Variants in PNPLA6 observed in about 807,000 individuals in gnomAD.
PNPLA6 encodes patatin-like phospholipase domain-containing protein 6.
A neutral mutation model predicts 153.7 loss-of-function variants in PNPLA6; 105 were observed. That is an observed-to-expected ratio of 0.68 (90% CI 0.58 to 0.80). The LOEUF (loss-of-function observed/expected upper bound fraction) is 0.80, where lower values mean the gene tolerates loss of function less well. Ranked by LOEUF, PNPLA6 falls within the 30% of genes least tolerant of loss-of-function variation. The probability of loss-of-function intolerance (pLI) is 0.00; values close to 1 mark genes in which losing one functional copy is unlikely to be tolerated. For missense variants in PNPLA6, 1,423 were observed against 1,919.3 expected (o/e 0.74, Z 4.83); for synonymous variants, 825 against 822.2 (o/e 1.00, Z -0.06).
chr19:7,540,638 G>A lies in PNPLA6; in HGVS notation c.723G>A (p.Lys241=), dbSNP rs1421255016. 1 of 1,613,374 alleles carries A rather than the reference G, an allele frequency of 6.2e-7. No individual in the cohort carries two copies. The highest frequency in any genetic ancestry group is 1.3e-5 in the African/African-American group (1 of 74,866). ...LELCLPGPDG[K]ECVVKEVVPG... is the part of the protein sequence containing the mutation. ...GGTCTCCTGTGTCTCAGGACGGGAA[G>A]GAGTGTGTGGTGAAGGAAGTGGTTC... is the stretch of plus-strand genomic sequence containing the variant. Residue 241 remains lysine (K), a synonymous_variant, in exon 6 of 32, where the codon AAG becomes AAA. Coordinates refer to ENST00000600737, the MANE Select transcript of PNPLA6 (RefSeq NM_001166114.2). The surrounding 1 kb of genome is among the most constrained non-coding windows in gnomAD (Gnocchi z 6.8).
At chr19:7,561,346 A>G (rs2024092584) in intron 31 of PNPLA6, 29 bp downstream of exon 31, 2 of 1,527,080 alleles carry the variant, frequency 1.3e-6, no homozygotes. Context: ...GGGTCCCCTC[A>G]CATCCCCCAG....
rs1198901019 is a variant in PNPLA6 at position 7,556,565 on chromosome 19, T to C, written c.3206T>C (p.Ile1069Thr). 6.2e-7 allele frequency: 1 copy of C among 1,608,866 alleles called. No homozygotes were observed. The highest frequency in any genetic ancestry group is 8.5e-7 in the Non-Finnish European group (1 of 1,175,238). Residue 1069 changes from isoleucine to threonine, a missense_variant, in exon 25 of 32, where the codon ATT becomes ACT. By Grantham distance (89) the Ile-to-Thr change is moderately conservative. Around this residue, in one of 10 missense-constraint regions of PNPLA6, gnomAD observed 643 missense variants for 835.2 expected, o/e 0.77. Coordinates refer to ENST00000600737, the MANE Select transcript of PNPLA6 (RefSeq NM_001166114.2). ...CATCGGGTCTTCCAGGATAAGCAGA[T>C]TGAGGTAGGCCCACCTCATCCCCTG... ...SIHRVFQDKQIEDLWLPYFNV... is the reference protein window; with the variant it reads ...SIHRVFQDKQTEDLWLPYFNV...
In PNPLA6 at chr19:7,561,421, G is replaced by T; in HGVS notation, c.4024-67G>T. Reference sequence around the variant, plus strand: ...GTATTTGAGATCCTGTGTGTGCTGGGTGCTGGCTGACATGTGACGCATCAG... The same window carrying T: ...GTATTTGAGATCCTGTGTGTGCTGGTTGCTGGCTGACATGTGACGCATCAG... On this transcript the variant is annotated intron_variant, in intron 31 of 31. Coordinates refer to ENST00000600737, the MANE Select transcript of PNPLA6 (RefSeq NM_001166114.2). The T allele has an allele frequency of 3.4e-6, 5 of 1,450,160 alleles. No homozygotes were observed. The South Asian group carries it at 6.0e-5, about 17-fold the overall frequency. 89.8% of individuals were successfully genotyped at this position (1,450,160 alleles called of 1,614,324 possible).
intron 13 of PNPLA6, among the ~76,000 whole-genome samples, chr19:7,549,534 G>A (rs906309394): frequency 4.7e-5 from 7 of 147,896 alleles, no homozygotes; most frequent in Middle Eastern, 3.7e-3. Flanking sequence ...TGTCGCCCAG[G>A]CTGGAGTGCA....
chr19:7,555,882 T>C lies in PNPLA6; in HGVS notation c.3093+119T>C, dbSNP rs575522899. 3 of 1,080,208 alleles carry C rather than the reference T, an allele frequency of 2.8e-6. No individual in the cohort carries two copies. Among genetic ancestry groups the C allele is most frequent in the Non-Finnish European group, 4.2e-6 (3 of 721,952 alleles). 66.9% of individuals were successfully genotyped at this position (1,080,208 alleles called of 1,614,324 possible). On this transcript the variant is annotated intron_variant, in intron 24 of 31. Transcript: ENST00000600737. This position sits in a 1 kb window ranked among gnomAD's most constrained non-coding sequence, Gnocchi z 6.3. Reference sequence around the variant, plus strand: ...CAGGGTGACCCTTCCTGATTAAATCTATGATCCCCAGCTGTCCGGACTTTT... The same window carrying C: ...CAGGGTGACCCTTCCTGATTAAATCCATGATCCCCAGCTGTCCGGACTTTT...
At chr19:7,560,603 C>G in intron 28 of PNPLA6, 45 bp from the exon 29 acceptor site, 1 of 1,319,892 alleles carries the variant, frequency 7.6e-7, no homozygotes, top group East Asian at 2.3e-5. Flanking sequence ...TGGGGACAAG[C>G]AAAGCAGGGT....
chr19:7,557,185 G>A lies in PNPLA6; in HGVS notation c.3298G>A (p.Val1100Met), dbSNP rs587777182. The change falls in exon 27 of 32, where the codon GTG becomes ATG. Residue 1100 changes from valine to methionine, a missense_variant. Coordinates refer to ENST00000600737, the MANE Select transcript of PNPLA6 (RefSeq NM_001166114.2). ...CCGCGCAGGCTCCCTGTGGCGGTAC[G>A]TGCGCGCCAGCATGACGCTGTCGGG... ...VHKDGSLWRYVRASMTLSGYL... is the reference protein window; with the variant it reads ...VHKDGSLWRYMRASMTLSGYL... 4.3e-6 allele frequency: 7 copies of A among 1,612,630 alleles called. No individual in the cohort carries two copies. Among genetic ancestry groups the A allele is most frequent in the East Asian group, 2.2e-5 (1 of 44,868 alleles).
chr19:7,556,756 C>T, intron 26 of PNPLA6, 32 bp downstream of exon 26: 1 of 1,522,190 alleles, frequency 6.6e-7, no homozygotes, highest in South Asian at 1.1e-5. Flanking sequence ...GCAGCAACCG[C>T]TGACGCCACG....
chr19:7,535,541 G>T (rs376866456), upstream of PNPLA6: 8 of 1,601,376 alleles, frequency 5.0e-6, no homozygotes, highest in East Asian at 4.5e-5. The surrounding 1 kb of genome is among the most constrained non-coding windows in gnomAD (Gnocchi z 5.0). Context: ...CGTCCAGCTG[G>T]AATCAACCGA....
At chr19:7,547,661 G>A (rs891737318) in intron 13 of PNPLA6, among the ~76,000 whole-genome samples, 5 of 151,846 alleles carry the variant, frequency 3.3e-5, no homozygotes, top group African/African-American at 1.2e-4. Context: ...TTTTAGAGAC[G>A]GGGTCTTGCA....
intron 13 of PNPLA6, 138 bp downstream of exon 13, chr19:7,543,222 C>T (rs1173597258): frequency 4.9e-6 from 4 of 813,874 alleles, no homozygotes; most frequent in Admixed American, 4.0e-5. Flanking sequence ...CTATCATTTC[C>T]AACCTCTAAC....
intron 28 of PNPLA6, 99 bp from the exon 29 acceptor site, chr19:7,560,549 C>A (rs2024056485): frequency 2.3e-6 from 2 of 853,080 alleles, no homozygotes; most frequent in African/African-American, 1.7e-5. Context: ...GCAACTCCCC[C>A]AGAGAATCAG....
chr19:7,555,118 T>C lies in PNPLA6; in HGVS notation c.2817+43T>C, dbSNP rs771980945. The C allele has an allele frequency of 6.4e-6, 10 of 1,574,562 alleles. No individual in the cohort carries two copies. Among genetic ancestry groups the C allele is most frequent in the Non-Finnish European group, 8.6e-6 (10 of 1,167,782 alleles). On this transcript the variant is annotated intron_variant, in intron 22 of 31. Coordinates refer to ENST00000600737, the MANE Select transcript of PNPLA6 (RefSeq NM_001166114.2). The surrounding 1 kb of genome is among the most constrained non-coding windows in gnomAD (Gnocchi z 6.3). ...CCCCACCTTCTAGGGGCGTGGCTGG[T>C]GGGCGAGGCTTGGGAGACTGGGGCG...
At chr19:7,543,230 A>C in intron 13 of PNPLA6, 146 bp downstream of exon 13, 1 of 789,782 alleles carries the variant, frequency 1.3e-6, no homozygotes, top group East Asian at 2.7e-5. Context: ...TCCAACCTCT[A>C]ACCCTTGGGT....
intron 3 of PNPLA6, among the ~76,000 whole-genome samples, chr19:7,538,383 G>A (rs912503866): frequency 2.0e-5 from 3 of 151,906 alleles, no homozygotes; most frequent in Non-Finnish European, 2.9e-5. Context: ...GAGTCTCACT[G>A]TGTTGCCTGG....
rs770118308 is a variant in PNPLA6 at position 7,542,640 on chromosome 19, C to T, written c.1332C>T (p.Ala444=). The T allele has an allele frequency of 1.9e-6, 3 of 1,613,440 alleles. No homozygotes were observed. Among genetic ancestry groups the T allele is most frequent in the East Asian group, 4.5e-5 (2 of 44,886 alleles). The change falls in exon 11 of 32, where the codon GCC becomes GCT. Residue 444 remains alanine, a synonymous_variant. Transcript: ENST00000600737. ...TCTCCGTGTCCCTGCAGGAAGAGGC[C>T]TCCGGGGGGTCCCTGGCAGCCCCCG... ...GRISVSLQEE[A]SGGSLAAPAR...
Position 7,535,903 on chromosome 19 carries a change from G to A in PNPLA6, c.115G>A (p.Gly39Ser). The change falls in exon 1 of 32, where the codon GGT (glycine) becomes AGT (serine). Residue 39 changes from glycine to serine, a missense_variant. Physicochemically the swap from Gly to Ser is moderately conservative, Grantham distance 56. This residue lies in a region of PNPLA6 where 109 missense variants were observed against 109.4 expected (regional missense o/e 1.00). Transcript: ENST00000600737. The surrounding 1 kb of genome is among the most constrained non-coding windows in gnomAD (Gnocchi z 5.0). The stretch of plus-strand genomic sequence containing the variant: ...GGAAGGCTCGGCGGGACGGATTTGC[G>A]GTGCGCAGCCAGTGCCGTTCGTCCC... ...PGEGSAGRICGAQPVPFVPQV... is the reference protein window; with the variant it reads ...PGEGSAGRICSAQPVPFVPQV... The A allele has an allele frequency of 1.3e-6, 2 of 1,555,128 alleles. No individual in the cohort carries two copies. The highest frequency in any genetic ancestry group is 2.3e-5 in the East Asian group (1 of 42,748).
chr19:7,548,437 A>G (rs2023482490), intron 13 of PNPLA6, among the ~76,000 whole-genome samples: 1 of 152,280 alleles, frequency 6.6e-6, no homozygotes, highest in South Asian at 2.1e-4. Context: ...TAATGTTTTA[A>G]CAAAGTTTAT....
rs777397755 is a variant in PNPLA6 at position 7,542,978 on chromosome 19, C to T, written c.1531-29C>T. The T allele has an allele frequency of 2.1e-5, 34 of 1,613,528 alleles. No individual in the cohort carries two copies. The African/African-American group carries it at 2.3e-4, about 11-fold the overall frequency. ...ACAGGGCGCAAGGGAGGCCTGGCTG[C>T]GCCCATCTCAACCCCCCTACCTCCC... On this transcript the variant is annotated intron_variant, in intron 12 of 31. Coordinates refer to ENST00000600737, the MANE Select transcript of PNPLA6 (RefSeq NM_001166114.2).
Sources: gnomAD v4.1 joint callset for allele counts (sites outside exome capture counted in the v4.1 genomes callset) on GRCh38, gnomAD v4.1.1 for gene constraint, gnomAD v4.1.1 regional missense constraint, Gnocchi (gnomAD v3.1) non-coding constraint, MANE v1.5 for transcripts, NCBI Gene and HGNC (gene_info 2026-07-23, HGNC 2026-07-21) for gene names.